The following SYNE1 variants were observed in gnomAD, a reference collection of about 807,000 sequenced individuals.
The protein encoded by SYNE1 is nesprin-1.
A neutral mutation model predicts 1,111.0 loss-of-function variants in SYNE1; 616 were observed. That is an observed-to-expected ratio of 0.55 (90% CI 0.52 to 0.59). The LOEUF (loss-of-function observed/expected upper bound fraction) is 0.59. SYNE1 is among the 20% of genes least tolerant of loss of function. The pLI is 0.00. For missense variants in SYNE1, 10,006 were observed against 10,417.0 expected, an observed-to-expected ratio of 0.96 and a Z score of 1.72; for synonymous variants, 3,855 against 3,825.8, an observed-to-expected ratio of 1.01 and a Z score of -0.28.
At chr6:152,454,634 C>T (rs73782805) in intron 24 of SYNE1, among the ~76,000 whole-genome samples, 8,969 of 152,240 alleles carry the variant, frequency 0.059, 891 homozygotes, top group African/African-American at 0.2. Context: ...GACTAAGTCT[C>T]ACACAGTCTC....
intron 9 of SYNE1, 36 bp downstream of exon 9, chr6:152,505,165 T>C (rs2099051111): frequency 1.2e-6 from 2 of 1,609,286 alleles, no homozygotes; most frequent in Admixed American, 3.3e-5. Flanking sequence ...ACCCTCCGTG[T>C]TAAGGTATAT....
At position 152,255,582 on chromosome 6, in the gene SYNE1, T is replaced by C; in HGVS notation, c.19260+9A>G. On this transcript the variant is annotated intron_variant, in intron 103 of 145. Coordinates refer to ENST00000367255, the MANE Select transcript of SYNE1 (RefSeq NM_182961.4). ...TTATACACACACAGGCAGGAACTACTAAACCTACCTCTTGGTTGAAGAGAC... is the reference window on the plus strand; with the variant it reads ...TTATACACACACAGGCAGGAACTACCAAACCTACCTCTTGGTTGAAGAGAC... The C allele has an allele frequency of 6.2e-7, 1 of 1,614,152 alleles. No individual in the cohort carries two copies. The highest frequency in any genetic ancestry group is 8.5e-7 in the Non-Finnish European group (1 of 1,179,966).
At chr6:152,272,107 C>T (rs932856895) in intron 98 of SYNE1, among the ~76,000 whole-genome samples, 1 of 152,166 alleles carries the variant, frequency 6.6e-6, no homozygotes, top group Admixed American at 6.5e-5. Context: ...AGATTCTATG[C>T]GGTTAGACTC....
intron 125 of SYNE1, among the ~76,000 whole-genome samples, chr6:152,207,650 A>G (rs749485142): frequency 6.6e-6 from 1 of 152,242 alleles, no homozygotes; most frequent in Non-Finnish European, 1.5e-5. Context: ...TAAATTGCTC[A>G]AGAATAAAAT....
rs1403967639 is a variant in SYNE1, at chr6:152,307,576, C to G, written c.17346+913G>C. Among the ~76,000 whole-genome samples the G allele has an allele frequency of 3.9e-5, 6 of 152,066 alleles. No homozygotes were observed. The South Asian group carries it at 1.0e-3, about 26-fold the overall frequency. On this transcript the variant is annotated intron_variant, in intron 91 of 145. Transcript: ENST00000367255. ...TTTGACCTATATGGAATTGACAGGT[C>G]AGGAAAGGAAATTCCCTGCTAAGCT...
intron 6 of SYNE1, chr6:152,511,546 T>C (rs2099085017): frequency 1.2e-6 from 2 of 1,610,468 alleles, no homozygotes; most frequent in Non-Finnish European, 1.7e-6. Context: ...AATCAGGAGT[T>C]AAGAATTCTA....
rs544329511 is a variant in SYNE1, at chr6:152,420,596, G to T, written c.5268-874C>A. Reference sequence around the variant, plus strand: ...GATCATGCCACTGCACTCCAGCCTGGGTGACAGAGTGAGACTCTGTCTCAA... The same window carrying T: ...GATCATGCCACTGCACTCCAGCCTGTGTGACAGAGTGAGACTCTGTCTCAA... On this transcript the variant is annotated intron_variant, in intron 39 of 145. Coordinates refer to ENST00000367255, the MANE Select transcript of SYNE1 (RefSeq NM_182961.4). Among the ~76,000 whole-genome samples the T allele has an allele frequency of 4.3e-4, 66 of 152,226 alleles. No homozygotes were observed. The South Asian group carries it at 0.013, about 31-fold the overall frequency.
At chr6:152,187,083 T>C (rs536872785) in intron 128 of SYNE1, among the ~76,000 whole-genome samples, 2 of 152,372 alleles carry the variant, frequency 1.3e-5, no homozygotes, top group Admixed American at 1.3e-4. Context: ...TTCCTCATTG[T>C]GTTCACTGAG....
chr6:152,215,692 A>G (rs1261286741), intron 121 of SYNE1, among the ~76,000 whole-genome samples: 2 of 152,228 alleles, frequency 1.3e-5, no homozygotes, highest in African/African-American at 4.8e-5. Flanking sequence ...AAGCACTGAC[A>G]AGAGCTTTAC....
chr6:152,448,401 G>A (rs1043526599), intron 28 of SYNE1, among the ~76,000 whole-genome samples: 1 of 152,176 alleles, frequency 6.6e-6, no homozygotes, highest in Non-Finnish European at 1.5e-5. Context: ...GAAACTGTTG[G>A]TTCCAGACCC....
chr6:152,356,360 C>G (rs2096837973), intron 66 of SYNE1, among the ~76,000 whole-genome samples: 1 of 150,838 alleles, frequency 6.6e-6, no homozygotes, highest in African/African-American at 2.4e-5. Flanking sequence ...ATCTATTATC[C>G]AAGTTAATAT....
At chr6:152,569,788 T>C (rs1232446931) in intron 3 of SYNE1, among the ~76,000 whole-genome samples, 1 of 152,208 alleles carries the variant, frequency 6.6e-6, no homozygotes, top group Non-Finnish European at 1.5e-5. Context: ...GCACTCTGCC[T>C]AAAACAATTT....
intron 30 of SYNE1, 139 bp from the exon 31 acceptor site, chr6:152,442,384 G>T: frequency 2.1e-6 from 2 of 930,498 alleles, no homozygotes; most frequent in East Asian, 5.2e-5. Flanking sequence ...CAGTTGAAAT[G>T]GTAGTCGGTT....
chr6:152,156,267 T>C lies in SYNE1; in HGVS notation c.23791-170A>G, dbSNP rs3818112. On this transcript the variant is annotated intron_variant, in intron 131 of 145. Transcript: ENST00000367255. ...TTATGAAATCCAGCAAGCTCAAAAG[T>C]ACTAGAAAATGGATGTAGAAATATT... 2.0e-4 allele frequency among the ~76,000 whole-genome samples: 30 copies of C among 152,264 alleles called. No homozygotes were observed. The East Asian group carries it at 5.8e-3, about 29-fold the overall frequency.
At chr6:152,239,335 A>T (rs1445879406) in intron 108 of SYNE1, among the ~76,000 whole-genome samples, 198 bp downstream of exon 108, 1 of 152,218 alleles carries the variant, frequency 6.6e-6, no homozygotes, top group Non-Finnish European at 1.5e-5. Context: ...ATGGCACAGC[A>T]GATAGCCCAA....
At chr6:152,530,597 C>T (rs531433771) in intron 4 of SYNE1, among the ~76,000 whole-genome samples, 1 of 151,096 alleles carries the variant, frequency 6.6e-6, no homozygotes, top group Admixed American at 6.6e-5. Flanking sequence ...TTTTAAATTG[C>T]ACACTGTTCT....
At chr6:152,619,919 G>A (rs542971295) in intron 3 of SYNE1, among the ~76,000 whole-genome samples, 2 of 152,270 alleles carry the variant, frequency 1.3e-5, no homozygotes, top group South Asian at 4.1e-4. Context: ...TATATTTAAC[G>A]TGTTCTTAAA....
chr6:152,309,741 G>T, intron 90 of SYNE1, 94 bp downstream of exon 90: 1 of 1,492,772 alleles, frequency 6.7e-7, no homozygotes, highest in Non-Finnish European at 9.2e-7. Flanking sequence ...CAACACCCTG[G>T]ATGTGTTTTG....
intron 60 of SYNE1, 44 bp from the exon 61 acceptor site, chr6:152,369,171 C>T: frequency 6.2e-7 from 1 of 1,605,486 alleles, no homozygotes; most frequent in Non-Finnish European, 8.5e-7. Flanking sequence ...TGGGGAAAAG[C>T]ACATCGCGGA....
Sources: allele counts gnomAD v4.1 joint callset (sites outside exome capture counted in the v4.1 genomes callset), GRCh38; gene constraint gnomAD v4.1.1; transcripts MANE v1.5; gene names NCBI Gene and HGNC (gene_info 2026-07-23, HGNC 2026-07-21).